Variants in PRKN observed in about 807,000 individuals in gnomAD.
PRKN encodes parkin RBR E3 ubiquitin protein ligase.
A neutral mutation model predicts 59.5 loss-of-function variants in PRKN; 56 were observed. The observed-to-expected ratio is 0.94, with a 90% CI of 0.76 to 1.18. The LOEUF (loss-of-function observed/expected upper bound fraction) is 1.18, where lower values mean the gene tolerates loss of function less well. PRKN is among the 50% of genes most tolerant of loss of function. The pLI is 0.00. For missense variants in PRKN, 657 were observed against 596.4 expected, an observed-to-expected ratio of 1.10 and a Z score of -1.06; for synonymous variants, 250 against 222.1, an observed-to-expected ratio of 1.13 and a Z score of -1.12.
At position 161,592,808 on chromosome 6, in the gene PRKN, G is replaced by A. The variant is rs1351516176; in HGVS notation, c.872-23392C>T. On this transcript the variant is annotated intron_variant, in intron 7 of 11. Coordinates refer to ENST00000366898, the MANE Select transcript of PRKN (RefSeq NM_004562.3). The surrounding 1 kb of genome is among the most constrained non-coding windows in gnomAD (Gnocchi z 4.8). ...AGACAGGTCTGCGGGCCAGGGTGCCGCCAGGATAGGAGGGCTGGCGGGAGA... is the reference window on the plus strand; with the variant it reads ...AGACAGGTCTGCGGGCCAGGGTGCCACCAGGATAGGAGGGCTGGCGGGAGA... Among the ~76,000 whole-genome samples, 2 of 152,082 alleles carry A rather than the reference G, an allele frequency of 1.3e-5. No homozygotes were observed. Among genetic ancestry groups the A allele is most frequent in the Admixed American group, 6.5e-5 (1 of 15,274 alleles).
At chr6:161,731,066 G>T (rs1787689234) in intron 7 of PRKN, among the ~76,000 whole-genome samples, 1 of 151,610 alleles carries the variant, frequency 6.6e-6, no homozygotes, top group Non-Finnish European at 1.5e-5. Flanking sequence ...CTGAAGTGTT[G>T]CATTCTTTCT....
intron 6 of PRKN, among the ~76,000 whole-genome samples, chr6:161,886,207 A>G (rs1471778302): frequency 6.6e-6 from 1 of 152,244 alleles, no homozygotes. Context: ...AAAATGATAA[A>G]TGATGTGATA....
chr6:161,568,549 T>C (rs979725546), intron 8 of PRKN, among the ~76,000 whole-genome samples: 1 of 152,086 alleles, frequency 6.6e-6, no homozygotes. Context: ...GCTGAGATCA[T>C]GCCACTGCAC....
chr6:162,705,075 G>T (rs557280952), intron 1 of PRKN, among the ~76,000 whole-genome samples: 2 of 152,118 alleles, frequency 1.3e-5, no homozygotes, highest in East Asian at 3.8e-4. Flanking sequence ...AATAAAAAAT[G>T]TTAAAATAGT....
chr6:161,593,582 G>A lies in PRKN; in HGVS notation c.872-24166C>T, dbSNP rs1781803575. Among the ~76,000 whole-genome samples, 1 of 152,146 alleles carries A rather than the reference G, an allele frequency of 6.6e-6. No individual in the cohort carries two copies. Among genetic ancestry groups the A allele is most frequent in the Non-Finnish European group, 1.5e-5 (1 of 68,018 alleles). ...AAGGTGAGGCCAGCAGGTCTTGCTGGTGGGCTGCCCTGTGGAGCAGACAAA... is the reference window on the plus strand; with the variant it reads ...AAGGTGAGGCCAGCAGGTCTTGCTGATGGGCTGCCCTGTGGAGCAGACAAA... On this transcript the variant is annotated intron_variant, in intron 7 of 11. Transcript: ENST00000366898. This position sits in a 1 kb window ranked among gnomAD's most constrained non-coding sequence, Gnocchi z 4.8.
intron 1 of PRKN, among the ~76,000 whole-genome samples, chr6:162,653,326 G>GTC (rs1554258569): frequency 4.5e-4 from 68 of 151,644 alleles, no homozygotes; most frequent in African/African-American, 1.6e-3. Context: ...GTTTGTGTGT[G>GTC]TGTGTGTTTG....
At chr6:162,400,457 C>CAAAAAAAAAAAAAAAAAAAAAA (rs3081908) in intron 2 of PRKN, among the ~76,000 whole-genome samples, 1 of 98,664 alleles carries the variant, frequency 1.0e-5, no homozygotes, top group African/African-American at 3.8e-5. Flanking sequence ...ATGTAAATAT[C>CAAAAAAAAAAAAAAAAAAAAAA]AAAAAAAAAA....
At chr6:162,311,052 A>G (rs1024008307) in intron 2 of PRKN, among the ~76,000 whole-genome samples, 1 of 152,144 alleles carries the variant, frequency 6.6e-6, no homozygotes. Context: ...AAAACAGAAA[A>G]TCATAAAGGC....
chr6:161,739,764 C>CT (rs1010430745), intron 7 of PRKN, among the ~76,000 whole-genome samples: 1 of 150,212 alleles, frequency 6.7e-6, no homozygotes, highest in Admixed American at 6.6e-5. Flanking sequence ...TGTTTCTTTT[C>CT]TTTTTTTTGA....
At chr6:161,640,956 CG>C (rs1783716660) in intron 7 of PRKN, among the ~76,000 whole-genome samples, 1 of 152,210 alleles carries the variant, frequency 6.6e-6, no homozygotes, top group African/African-American at 2.4e-5. Flanking sequence ...GCTGGAAAGC[CG>C]GCTCCCTGCA....
At chr6:162,428,815 C>A (rs1343697604) in intron 2 of PRKN, among the ~76,000 whole-genome samples, 1 of 152,138 alleles carries the variant, frequency 6.6e-6, no homozygotes, top group East Asian at 1.9e-4. Context: ...CACCAACTTC[C>A]AGCCACACTT....
rs188081182 is a variant in PRKN, at chr6:161,500,004, C to G, written c.1083+48850G>C. Reference sequence around the variant, plus strand: ...TTCCCCACTTTTGTTCATGCAGTGTCTTTGCCAAAAGTCCTTCGGCCATGT... The same window carrying G: ...TTCCCCACTTTTGTTCATGCAGTGTGTTTGCCAAAAGTCCTTCGGCCATGT... On this transcript the variant is annotated intron_variant, in intron 9 of 11. Coordinates refer to ENST00000366898, the MANE Select transcript of PRKN (RefSeq NM_004562.3). 3.6e-3 allele frequency among the ~76,000 whole-genome samples: 552 copies of G among 152,294 alleles called. 1 individual carries two copies. Among genetic ancestry groups the G allele is most frequent in the South Asian group, 0.011 (54 of 4,832 alleles).
intron 9 of PRKN, among the ~76,000 whole-genome samples, chr6:161,514,879 C>T (rs774125965): frequency 2.6e-5 from 4 of 152,134 alleles, no homozygotes; most frequent in Non-Finnish European, 4.4e-5. Context: ...CGTCATGGTG[C>T]CTACTACGGA....
At chr6:162,477,775 T>C (rs1792095073) in intron 1 of PRKN, among the ~76,000 whole-genome samples, 1 of 152,158 alleles carries the variant, frequency 6.6e-6, no homozygotes, top group Admixed American at 6.5e-5. Context: ...TAACTGCATG[T>C]TCTCTGGGAT....
At chr6:162,247,917 G>A (rs1306817087) in intron 3 of PRKN, among the ~76,000 whole-genome samples, 2 of 152,062 alleles carry the variant, frequency 1.3e-5, no homozygotes, top group Admixed American at 6.6e-5. Flanking sequence ...ATAGCCAAAC[G>A]ACCAAGTCTA....
At chr6:162,531,339 G>A (rs1479936053) in intron 1 of PRKN, among the ~76,000 whole-genome samples, 2 of 152,104 alleles carry the variant, frequency 1.3e-5, no homozygotes, top group East Asian at 1.9e-4. Context: ...TCACAACAGG[G>A]GAATTGCGGA....
intron 9 of PRKN, among the ~76,000 whole-genome samples, chr6:161,514,627 A>G (rs919938199): frequency 3.3e-5 from 5 of 151,942 alleles, no homozygotes; most frequent in African/African-American, 1.2e-4. Flanking sequence ...GTGGGGAGGA[A>G]ACTGGAGTTG....
At chr6:161,946,441 CTCT>C (rs1779785575) in intron 6 of PRKN, among the ~76,000 whole-genome samples, 1 of 149,718 alleles carries the variant, frequency 6.7e-6, no homozygotes. Flanking sequence ...CTCTCTCTCT[CTCT>C]CTCTCTCAAT....
chr6:162,633,177 T>C (rs570720750), intron 1 of PRKN, among the ~76,000 whole-genome samples: 2 of 151,672 alleles, frequency 1.3e-5, no homozygotes, highest in African/African-American at 4.8e-5. Context: ...GCTCATGCCT[T>C]AATCCCAGCA....
Sources: gnomAD v4.1 joint callset for allele counts (sites outside exome capture counted in the v4.1 genomes callset) on GRCh38, gnomAD v4.1.1 for gene constraint, Gnocchi (gnomAD v3.1) non-coding constraint, MANE v1.5 for transcripts, NCBI Gene and HGNC (gene_info 2026-07-23, HGNC 2026-07-21) for gene names.